The following ZHX2 variants were observed in gnomAD, a reference collection of about 807,000 sequenced individuals.
The protein encoded by ZHX2 is zinc fingers and homeoboxes 2.
In ZHX2, 6 loss-of-function variants were observed where a neutral mutation model predicts 21.9. The ratio of observed to expected loss-of-function variants is 0.27; its 90% CI spans 0.15 to 0.54. The LOEUF (loss-of-function observed/expected upper bound fraction) is 0.54. Among genes scored for constraint, ZHX2 ranks in the 20% least tolerant of loss-of-function variants. ZHX2 has a pLI of 0.95. For missense variants in ZHX2, 908 were observed against 1,090.7 expected, an observed-to-expected ratio of 0.83 and a Z score of 2.36; for synonymous variants, 434 against 437.1, an observed-to-expected ratio of 0.99 and a Z score of 0.09.
At chr8:122,924,309 T>C (rs756718677) in intron 2 of ZHX2, among the ~76,000 whole-genome samples, 1 of 152,188 alleles carries the variant, frequency 6.6e-6, no homozygotes, top group Non-Finnish European at 1.5e-5. Flanking sequence ...TCAGTGGCTC[T>C]TCACATCATC....
At chr8:122,911,046 A>G (rs1820468147) in intron 2 of ZHX2, among the ~76,000 whole-genome samples, 1 of 152,118 alleles carries the variant, frequency 6.6e-6, no homozygotes, top group Non-Finnish European at 1.5e-5. Flanking sequence ...GTTGTAATAC[A>G]CCCTGCATAG....
intron 1 of ZHX2, among the ~76,000 whole-genome samples, chr8:122,852,850 G>GT (rs1268640207): frequency 6.6e-6 from 1 of 152,054 alleles, no homozygotes; most frequent in East Asian, 1.9e-4. Flanking sequence ...TCGGTGGTTT[G>GT]TAAAAAATAA....
chr8:122,793,002 C>T (rs1817548669), intron 1 of ZHX2, among the ~76,000 whole-genome samples: 1 of 152,168 alleles, frequency 6.6e-6, no homozygotes. Flanking sequence ...CTGCCCCTTC[C>T]CTGGAGGTAC....
At chr8:122,891,269 ATTGTGTGTGT>A (rs71310634) in intron 2 of ZHX2, among the ~76,000 whole-genome samples, 12,022 of 138,696 alleles carry the variant, frequency 0.087, 633 homozygotes, top group South Asian at 0.13. Context: ...ATCTTGGTAG[ATTGTGTGTGT>A]GTGTGTGTGT....
At chr8:122,787,824 CT>C (rs1305264566) in intron 1 of ZHX2, among the ~76,000 whole-genome samples, 1 of 152,142 alleles carries the variant, frequency 6.6e-6, no homozygotes, top group African/African-American at 2.4e-5. Context: ...AGCTGCTGGG[CT>C]CAAAAACATC....
At chr8:122,825,193 A>G (rs1586589890) in intron 1 of ZHX2, among the ~76,000 whole-genome samples, 1 of 152,094 alleles carries the variant, frequency 6.6e-6, no homozygotes, top group Non-Finnish European at 1.5e-5. Flanking sequence ...TGCCTGCTGC[A>G]CCTCCAGTCA....
intron 2 of ZHX2, among the ~76,000 whole-genome samples, chr8:122,902,322 A>G (rs1054206209): frequency 3.9e-5 from 6 of 152,198 alleles, no homozygotes; most frequent in Admixed American, 2.6e-4. Context: ...GTGCCCCAAA[A>G]GAGACAGCAT....
chr8:122,824,553 A>G (rs1055342858), intron 1 of ZHX2, among the ~76,000 whole-genome samples: 3 of 152,234 alleles, frequency 2.0e-5, no homozygotes, highest in Non-Finnish European at 4.4e-5. Context: ...ACAAAGTGTC[A>G]GAACTGGAAT....
chr8:122,952,090 G>A lies in ZHX2; in HGVS notation c.580G>A (p.Ala194Thr). ...CATCATGAAGCCTGGAAAACCAAAA[G>A]CGGATGCCAAGAAGGTGCCCAAGAA... The part of the protein sequence containing the change: ...TPIMKPGKPK[A>T]DAKKVPKKPE... Residue 194 changes from alanine to threonine, a missense_variant, in exon 3 of 4, where the codon GCG becomes ACG. Physicochemically the swap from Ala to Thr is moderately conservative, Grantham distance 58. Around this residue, in one of 4 missense-constraint regions of ZHX2, gnomAD observed 220 missense variants for 251.4 expected, o/e 0.88. Coordinates refer to ENST00000314393, the MANE Select transcript of ZHX2 (RefSeq NM_014943.5). This position sits in a 1 kb window ranked among gnomAD's most constrained non-coding sequence, Gnocchi z 6.9. 2 of 1,613,578 alleles carry A rather than the reference G, an allele frequency of 1.2e-6. No homozygotes were observed. Among genetic ancestry groups the A allele is most frequent in the Non-Finnish European group, 1.7e-6 (2 of 1,179,954 alleles).
In ZHX2 at chr8:122,953,854, A is replaced by G. The variant is rs979158978; in HGVS notation, c.2344A>G (p.Ser782Gly). Reference protein sequence around the residue: ...SEGSSRDGQGSDENEESSVVD... With the variant: ...SEGSSRDGQGGDENEESSVVD... ...GGGCAGCAGCCGGGACGGCCAGGGT[A>G]GCGACGAGAACGAGGAGTCGAGCGT... The change falls in exon 3 of 4, where the codon AGC (serine) becomes GGC (glycine). Residue 782 changes from serine (S) to glycine (G), a missense_variant. Around this residue, in one of 4 missense-constraint regions of ZHX2, gnomAD observed 431 missense variants for 428.6 expected, o/e 1.01. Transcript: ENST00000314393. This position sits in a 1 kb window ranked among gnomAD's most constrained non-coding sequence, Gnocchi z 4.6. 2.5e-6 allele frequency: 4 copies of G among 1,614,098 alleles called. No homozygotes were observed. Among genetic ancestry groups the G allele is most frequent in the African/African-American group, 2.7e-5 (2 of 74,950 alleles).
intron 1 of ZHX2, among the ~76,000 whole-genome samples, chr8:122,860,093 A>G (rs1050043588): frequency 1.3e-5 from 2 of 152,200 alleles, no homozygotes; most frequent in Admixed American, 6.5e-5. Flanking sequence ...GAAATTTACA[A>G]TCATGGTGGA....
At chr8:122,933,304 A>C (rs556026536) in intron 2 of ZHX2, among the ~76,000 whole-genome samples, 1 of 152,354 alleles carries the variant, frequency 6.6e-6, no homozygotes, top group Non-Finnish European at 1.5e-5. Context: ...CAGCCTCTCT[A>C]AATGTTTTGA....
chr8:122,781,200 C>T (rs375679440), upstream of ZHX2: 9 of 152,280 alleles, frequency 5.9e-5, no homozygotes, highest in African/African-American at 2.2e-4. The surrounding 1 kb of genome is among the most constrained non-coding windows in gnomAD (Gnocchi z 4.6). Context: ...GCCCGGGTAC[C>T]GCCAGAGCCG....
At chr8:122,963,180 T>G (rs1483062889) in intron 3 of ZHX2, among the ~76,000 whole-genome samples, 2 of 152,242 alleles carry the variant, frequency 1.3e-5, no homozygotes. Flanking sequence ...GGGTTCTTGG[T>G]CATGAACTCT....
chr8:122,803,151 G>A (rs1817753184), intron 1 of ZHX2, among the ~76,000 whole-genome samples: 3 of 152,126 alleles, frequency 2.0e-5, no homozygotes, highest in Admixed American at 2.0e-4. Flanking sequence ...TCAAGTGAAA[G>A]CAGCAAAGCA....
At chr8:122,837,393 G>A (rs775891719) in intron 1 of ZHX2, among the ~76,000 whole-genome samples, 1 of 151,872 alleles carries the variant, frequency 6.6e-6, no homozygotes, top group South Asian at 2.1e-4. Flanking sequence ...ATCTCTAATC[G>A]TGAGCCCCAT....
At chr8:122,955,153 G>A (rs763481431) in intron 3 of ZHX2, among the ~76,000 whole-genome samples, 2 of 149,824 alleles carry the variant, frequency 1.3e-5, no homozygotes, top group Non-Finnish European at 3.0e-5. Context: ...TGAAGCCCTT[G>A]GTATTCTGCT....
At chr8:122,955,250 G>C (rs1398463403) in intron 3 of ZHX2, among the ~76,000 whole-genome samples, 1 of 52,878 alleles carries the variant, frequency 1.9e-5, no homozygotes, top group Non-Finnish European at 3.6e-5. Flanking sequence ...GGGGAGGGCT[G>C]GTGGGAGGGA....
rs191275312 is a variant in ZHX2, at chr8:122,921,305, A to C, written c.-219-29987A>C. ...CACCATGTTGGCCAGGCTGTTCTTG[A>C]ACTCCTGACCTCAGGTGACCCACCC... On this transcript the variant is annotated intron_variant, in intron 2 of 3. Coordinates refer to ENST00000314393, the MANE Select transcript of ZHX2 (RefSeq NM_014943.5). Among the ~76,000 whole-genome samples, 16 of 152,070 alleles carry C rather than the reference A, an allele frequency of 1.1e-4. No homozygotes were observed. In the East Asian group the frequency reaches 2.9e-3, roughly 28 times the overall value.
Sources: allele counts gnomAD v4.1 joint callset (sites outside exome capture counted in the v4.1 genomes callset), GRCh38; gene constraint gnomAD v4.1.1; regional missense constraint gnomAD v4.1.1; non-coding constraint Gnocchi (gnomAD v3.1); transcripts MANE v1.5; gene names NCBI Gene and HGNC (gene_info 2026-07-23, HGNC 2026-07-21).